NTN4: variants seen among roughly 807,000 people sequenced by gnomAD.
NTN4 encodes the protein netrin 4, also known as netrin-4.
Under a neutral mutation model 73.6 loss-of-function variants are expected in NTN4, and 32 were observed. The observed-to-expected ratio is 0.44, with a 90% CI of 0.33 to 0.58. The LOEUF is 0.58. Ranked by LOEUF, NTN4 falls within the 20% of genes least tolerant of loss-of-function variation. The pLI, the probability that NTN4 is intolerant of heterozygous loss-of-function variation, is 0.04. For synonymous variants in NTN4, 258 were observed against 287.5 expected, an observed-to-expected ratio of 0.90 and a Z score of 1.04; for missense variants, 654 against 798.3, an observed-to-expected ratio of 0.82 and a Z score of 2.18.
chr12:95,670,144 T>C lies in NTN4; in HGVS notation c.1513A>G (p.Lys505Glu), dbSNP rs376473106. ...QGFSALLHSGKCECKEQTLGN... is the reference protein window; with the variant it reads ...QGFSALLHSGECECKEQTLGN... ...AATGTCTGTTCCTTACATTCGCATT[T>C]ACCTATGGAAAGTAAATTAAAAATG... The change falls in exon 8 of 10, where the codon AAA becomes GAA. Residue 505 changes from lysine to glutamate, a missense_variant and splice_region_variant. Coordinates refer to ENST00000343702, the MANE Select transcript of NTN4 (RefSeq NM_021229.4). 9.5e-6 allele frequency: 15 copies of C among 1,573,278 alleles called. No individual in the cohort carries two copies. Among genetic ancestry groups the C allele is most frequent in the Non-Finnish European group, 1.2e-5 (14 of 1,153,968 alleles).
chr12:95,700,428 C>A lies in NTN4; in HGVS notation c.1180+10013G>T, dbSNP rs117230741. Among the ~76,000 whole-genome samples the A allele has an allele frequency of 2.6e-5, 4 of 152,184 alleles. No homozygotes were observed. The East Asian group carries it at 7.7e-4, about 29-fold the overall frequency. ...GGACGCCCTGTTGGAGATTCTGATT[C>A]AGTGTATTCTGGGCAGGACTCTAAG... On this transcript the variant is annotated intron_variant, in intron 5 of 9. Coordinates refer to ENST00000343702, the MANE Select transcript of NTN4 (RefSeq NM_021229.4).
chr12:95,778,216 T>G (rs968341002), intron 2 of NTN4, among the ~76,000 whole-genome samples: 3 of 151,950 alleles, frequency 2.0e-5, no homozygotes, highest in Non-Finnish European at 1.5e-5. Context: ...GCAGGAAATA[T>G]CTAAAATTGA....
At chr12:95,753,553 A>G (rs1592705273) in intron 2 of NTN4, among the ~76,000 whole-genome samples, 2 of 147,986 alleles carry the variant, frequency 1.4e-5, no homozygotes, top group African/African-American at 5.0e-5. Flanking sequence ...CCACCTCTAT[A>G]CAGTCTGATA....
chr12:95,713,397 A>G, intron 3 of NTN4, 59 bp from the exon 4 acceptor site: 2 of 1,488,108 alleles, frequency 1.3e-6, no homozygotes, highest in South Asian at 1.4e-5. Context: ...AGAACAGAAC[A>G]TGCTTCCCAC....
rs2120897313 is a variant in NTN4 at position 95,658,918 on chromosome 12, A to G, written c.*168T>C. 1.8e-6 allele frequency: 1 copy of G among 549,378 alleles called. No homozygotes were observed. Among genetic ancestry groups the G allele is most frequent in the South Asian group, 3.2e-5 (1 of 31,196 alleles). 34.0% of individuals were successfully genotyped at this position (549,378 alleles called of 1,614,324 possible). A position where few individuals can be genotyped will look rare whatever the true frequency, so the allele number is the denominator to read the frequency against. On this transcript the variant is annotated 3_prime_UTR_variant, in exon 10 of 10. Transcript: ENST00000343702. ...ATTTCTCTTCATGAAATAAAACTGT[A>G]TTTAAACATGGGTCCAGAAGAGATA...
intron 2 of NTN4, among the ~76,000 whole-genome samples, chr12:95,784,365 C>A (rs938026259): frequency 6.6e-6 from 1 of 152,168 alleles, no homozygotes; most frequent in African/African-American, 2.4e-5. Context: ...AGTTCTCAAA[C>A]CTGTCCTCTG....
intron 7 of NTN4, chr12:95,672,672 C>G: frequency 6.8e-7 from 1 of 1,476,452 alleles, no homozygotes; most frequent in Non-Finnish European, 9.5e-7. Context: ...GATGTCCCAC[C>G]ACCCTGCTGG....
chr12:95,693,226 C>T lies in NTN4; in HGVS notation c.1181-9515G>A, dbSNP rs118042936. 3.1e-3 allele frequency among the ~76,000 whole-genome samples: 466 copies of T among 150,420 alleles called. 8 individuals carry two copies. Among genetic ancestry groups the T allele is most frequent in the African/African-American group, 0.01 (426 of 40,992 alleles). On this transcript the variant is annotated intron_variant, in intron 5 of 9. Coordinates refer to ENST00000343702, the MANE Select transcript of NTN4 (RefSeq NM_021229.4). ...ATGACAGGGCAGTAAGCATTATACCCGAGGTAGTTCAGGGTGCATGAGAAT... is the reference window on the plus strand; with the variant it reads ...ATGACAGGGCAGTAAGCATTATACCTGAGGTAGTTCAGGGTGCATGAGAAT...
At chr12:95,784,105 T>C (rs995545140) in intron 2 of NTN4, among the ~76,000 whole-genome samples, 4 of 152,370 alleles carry the variant, frequency 2.6e-5, no homozygotes, top group Middle Eastern at 6.8e-3. Flanking sequence ...AAATAAGCCA[T>C]AAATGAAATT....
At chr12:95,782,814 G>A (rs370773819) in intron 2 of NTN4, among the ~76,000 whole-genome samples, 62 of 152,252 alleles carry the variant, frequency 4.1e-4, no homozygotes, top group African/African-American at 1.3e-3. Context: ...GGAGCAAGTC[G>A]TGCTCCCTTC....
chr12:95,739,039 T>C (rs1278030589), intron 2 of NTN4, among the ~76,000 whole-genome samples: 1 of 152,244 alleles, frequency 6.6e-6, no homozygotes, highest in Non-Finnish European at 1.5e-5. Flanking sequence ...TCTGACATTA[T>C]ATTTGTAGTG....
chr12:95,684,917 T>C (rs2078349711), intron 5 of NTN4, among the ~76,000 whole-genome samples: 1 of 152,178 alleles, frequency 6.6e-6, no homozygotes, highest in Non-Finnish European at 1.5e-5. Flanking sequence ...TGTTCCAGGC[T>C]GGAATGCAGT....
Position 95,746,801 on chromosome 12 carries a change from T to C in NTN4, c.586-8657A>G, listed in dbSNP as rs151111629. Among the ~76,000 whole-genome samples the C allele has an allele frequency of 6.4e-3, 969 of 152,314 alleles. 10 individuals carry two copies. The highest frequency in any genetic ancestry group is 0.022 in the African/African-American group (929 of 41,560). Reference sequence around the variant, plus strand: ...TGCACTGCAGACTGGACACCCTCTCTAGGCAGTAAGCTGGGGTAATTGTAG... The same window carrying C: ...TGCACTGCAGACTGGACACCCTCTCCAGGCAGTAAGCTGGGGTAATTGTAG... On this transcript the variant is annotated intron_variant, in intron 2 of 9. Transcript: ENST00000343702.
At chr12:95,671,842 T>A (rs1012042356) in intron 7 of NTN4, among the ~76,000 whole-genome samples, 1 of 152,172 alleles carries the variant, frequency 6.6e-6, no homozygotes. Flanking sequence ...CAATTAGATA[T>A]ACTTTTTCCC....
chr12:95,669,707 AC>A (rs2078212331), intron 8 of NTN4, among the ~76,000 whole-genome samples: 1 of 152,230 alleles, frequency 6.6e-6, no homozygotes, highest in African/African-American at 2.4e-5. Flanking sequence ...GTATTACTGT[AC>A]GACAAACGAA....
chr12:95,783,834 T>C (rs1334887014), intron 2 of NTN4, among the ~76,000 whole-genome samples: 1 of 152,234 alleles, frequency 6.6e-6, no homozygotes, highest in African/African-American at 2.4e-5. Context: ...ATTTAAAAAG[T>C]GTTCTTCTGG....
chr12:95,712,942 A>C (rs536339573), intron 4 of NTN4, among the ~76,000 whole-genome samples: 1 of 151,756 alleles, frequency 6.6e-6, no homozygotes, highest in Non-Finnish European at 1.5e-5. Context: ...TGTTTTTATT[A>C]TGTCAAATTA....
intron 7 of NTN4, among the ~76,000 whole-genome samples, chr12:95,682,065 T>C (rs1251799008): frequency 7.7e-6 from 1 of 129,962 alleles, no homozygotes; most frequent in East Asian, 2.3e-4. Flanking sequence ...GGCTTTTTTT[T>C]TTTTTTTTTT....
chr12:95,659,837 C>T lies in NTN4; in HGVS notation c.1751-615G>A, dbSNP rs139296836. Among the ~76,000 whole-genome samples, 372 of 152,284 alleles carry T rather than the reference C, an allele frequency of 2.4e-3. 1 individual carries two copies. Among genetic ancestry groups the T allele is most frequent in the African/African-American group, 8.5e-3 (352 of 41,558 alleles). On this transcript the variant is annotated intron_variant, in intron 9 of 9. Transcript: ENST00000343702. ...TATCTTTTTGTAAGTATAGCAGCATCTGGACTCAAACTCAGGTCATGCTGA... is the reference window on the plus strand; with the variant it reads ...TATCTTTTTGTAAGTATAGCAGCATTTGGACTCAAACTCAGGTCATGCTGA...
Sources: gnomAD v4.1 joint callset for allele counts (sites outside exome capture counted in the v4.1 genomes callset) on GRCh38, gnomAD v4.1.1 for gene constraint, MANE v1.5 for transcripts, NCBI Gene and HGNC (gene_info 2026-07-23, HGNC 2026-07-21) for gene names.